SEPTIN9: variants seen among roughly 807,000 people sequenced by gnomAD.
SEPTIN9 encodes septin 9.
In SEPTIN9, 13 loss-of-function variants were observed where a neutral mutation model predicts 56.6. The ratio of observed to expected loss-of-function variants is 0.23; its 90% CI spans 0.15 to 0.37. The LOEUF (loss-of-function observed/expected upper bound fraction) is 0.37. Among genes scored for constraint, SEPTIN9 ranks in the 10% least tolerant of loss-of-function variants. The pLI is 1.00. For missense variants in SEPTIN9, 650 were observed against 823.1 expected, an observed-to-expected ratio of 0.79 and a Z score of 2.57; for synonymous variants, 332 against 334.1, an observed-to-expected ratio of 0.99 and a Z score of 0.07.
intron 2 of SEPTIN9, among the ~76,000 whole-genome samples, chr17:77,359,320 C>A (rs1014608856): frequency 6.6e-5 from 10 of 152,214 alleles, no homozygotes; most frequent in African/African-American, 2.4e-4. Context: ...TTTGTATGAA[C>A]AGAGCTGTGG....
intron 2 of SEPTIN9, among the ~76,000 whole-genome samples, chr17:77,386,287 T>C (rs1217746099): frequency 6.6e-6 from 1 of 152,118 alleles, no homozygotes; most frequent in African/African-American, 2.4e-5. Context: ...GTTGCTGCAA[T>C]GGGCCCAGGC....
chr17:77,334,442 AT>A (rs1336807547), intron 2 of SEPTIN9, among the ~76,000 whole-genome samples: 157 of 143,676 alleles, frequency 1.1e-3, no homozygotes, highest in African/African-American at 3.9e-3. Flanking sequence ...AAAAAAAAAA[AT>A]GTTGTTTCAT....
intron 3 of SEPTIN9, among the ~76,000 whole-genome samples, chr17:77,459,602 T>G (rs1400922971): frequency 1.3e-5 from 2 of 152,160 alleles, no homozygotes; most frequent in Non-Finnish European, 2.9e-5. Flanking sequence ...GCTGTACAAG[T>G]GGTGCCAGCA....
At chr17:77,325,702 C>T (rs2033108744) in intron 2 of SEPTIN9, among the ~76,000 whole-genome samples, 1 of 151,688 alleles carries the variant, frequency 6.6e-6, no homozygotes, top group East Asian at 1.9e-4. Context: ...TCGGCTCTCC[C>T]TCTGGGGAAG....
chr17:77,324,023 G>A (rs1168786548), intron 2 of SEPTIN9, among the ~76,000 whole-genome samples: 2 of 152,350 alleles, frequency 1.3e-5, no homozygotes, highest in African/African-American at 2.4e-5. Context: ...GGCTCCGAGG[G>A]GGAGCCTGCT....
At chr17:77,391,189 G>C (rs575071336) in intron 2 of SEPTIN9, among the ~76,000 whole-genome samples, 1 of 152,298 alleles carries the variant, frequency 6.6e-6, no homozygotes, top group African/African-American at 2.4e-5. Context: ...TGGCTAGAAG[G>C]GGCTTCAGAA....
chr17:77,356,680 T>A (rs1271878154), intron 2 of SEPTIN9, among the ~76,000 whole-genome samples: 2 of 18,212 alleles, frequency 1.1e-4, no homozygotes, highest in Admixed American at 6.2e-4. Context: ...CCCCCTCCCC[T>A]CCCCCCCCAC....
intron 2 of SEPTIN9, chr17:77,376,089 A>T: frequency 2.0e-6 from 2 of 986,272 alleles, no homozygotes; most frequent in African/African-American, 1.7e-5. Flanking sequence ...AGAAGTCAGT[A>T]TGGAGGAGGC....
At chr17:77,495,242 G>C (rs2040210657) in intron 10 of SEPTIN9, among the ~76,000 whole-genome samples, 1 of 152,204 alleles carries the variant, frequency 6.6e-6, no homozygotes, top group East Asian at 1.9e-4. Flanking sequence ...CTCCAGCTGA[G>C]GAAGAGTCTG....
Position 77,310,867 on chromosome 17 carries a change from C to T in SEPTIN9, c.76+3670C>T, listed in dbSNP as rs1042028850. ...AACTCCTCTGCCTGACATCCCGTGTCGCTAGGTCCTGCTCTTCCATCTTCC... is the reference window on the plus strand; with the variant it reads ...AACTCCTCTGCCTGACATCCCGTGTTGCTAGGTCCTGCTCTTCCATCTTCC... On this transcript the variant is annotated intron_variant, in intron 2 of 11. Coordinates refer to ENST00000427177, the MANE Select transcript of SEPTIN9 (RefSeq NM_001113491.2). The surrounding 1 kb of genome is among the most constrained non-coding windows in gnomAD (Gnocchi z 4.7). Among the ~76,000 whole-genome samples the T allele has an allele frequency of 4.6e-5, 7 of 152,150 alleles. No individual in the cohort carries two copies. Among genetic ancestry groups the T allele is most frequent in the African/African-American group, 1.7e-4 (7 of 41,428 alleles).
chr17:77,319,394 G>C lies in SEPTIN9; in HGVS notation c.76+12197G>C, dbSNP rs1475133010. ...CCCAGTGGGGCCCCGAGTTCCCGGA[G>C]AGGAAGACTCGCTCCCTCCCAGGGG... On this transcript the variant is annotated intron_variant, in intron 2 of 11. Transcript: ENST00000427177. The surrounding 1 kb of genome is among the most constrained non-coding windows in gnomAD (Gnocchi z 5.3). 5 of 301,950 alleles carry C rather than the reference G, an allele frequency of 1.7e-5. No individual in the cohort carries two copies. The Admixed American group carries it at 3.1e-4, about 19-fold the overall frequency. 18.7% of individuals were successfully genotyped at this position (301,950 alleles called of 1,614,324 possible). A position where few individuals can be genotyped will look rare whatever the true frequency, so the allele number is the denominator to read the frequency against.
chr17:77,370,853 C>G (rs921228985), intron 2 of SEPTIN9, among the ~76,000 whole-genome samples: 1 of 152,072 alleles, frequency 6.6e-6, no homozygotes, highest in Non-Finnish European at 1.5e-5. Context: ...CTGGACCCAG[C>G]CCTTAGCTAT....
At chr17:77,363,192 A>AC in intron 2 of SEPTIN9, among the ~76,000 whole-genome samples, 1 of 152,094 alleles carries the variant, frequency 6.6e-6, no homozygotes, top group Middle Eastern at 3.4e-3. Context: ...GCTTGGGGGG[A>AC]CCCAAGACCC....
chr17:77,493,082 C>T lies in SEPTIN9; in HGVS notation c.1573+6C>T, dbSNP rs1259814644. Reference sequence around the variant, plus strand: ...CAAGTGGGGTACCATCGAAGGTACTCGCCGCAGGCGCCGGGGCTCCAGACA... The same window carrying T: ...CAAGTGGGGTACCATCGAAGGTACTTGCCGCAGGCGCCGGGGCTCCAGACA... On this transcript the variant is annotated splice_donor_region_variant and intron_variant, in intron 10 of 11. Coordinates refer to ENST00000427177, the MANE Select transcript of SEPTIN9 (RefSeq NM_001113491.2). 15 of 1,547,992 alleles carry T rather than the reference C, an allele frequency of 9.7e-6. No homozygotes were observed. Among genetic ancestry groups the T allele is most frequent in the East Asian group, 2.4e-5 (1 of 41,022 alleles).
At chr17:77,361,230 G>A (rs768841745) in intron 2 of SEPTIN9, among the ~76,000 whole-genome samples, 3 of 151,998 alleles carry the variant, frequency 2.0e-5, no homozygotes, top group South Asian at 2.1e-4. Context: ...GGCCTCTTTC[G>A]TTCTTTCTTA....
Position 77,354,174 on chromosome 17 carries a change from G to T in SEPTIN9, c.76+46977G>T, listed in dbSNP as rs1462500086. 2.0e-5 allele frequency among the ~76,000 whole-genome samples: 3 copies of T among 152,284 alleles called. No homozygotes were observed. The East Asian group carries it at 5.8e-4, about 29-fold the overall frequency. On this transcript the variant is annotated intron_variant, in intron 2 of 11. Coordinates refer to ENST00000427177, the MANE Select transcript of SEPTIN9 (RefSeq NM_001113491.2). Reference sequence around the variant, plus strand: ...CTGTCGCTCTTGTTTTGTGCCAGATGCTGTTCTCAGCACTTTACAAATATT... The same window carrying T: ...CTGTCGCTCTTGTTTTGTGCCAGATTCTGTTCTCAGCACTTTACAAATATT...
chr17:77,497,259 G>C lies in SEPTIN9; in HGVS notation c.1574-56G>C, dbSNP rs138753740. On this transcript the variant is annotated intron_variant, in intron 10 of 11. Coordinates refer to ENST00000427177, the MANE Select transcript of SEPTIN9 (RefSeq NM_001113491.2). ...TTCTGGGCAGGGGGAGAGAGGTGGG[G>C]TCCGGGCAGAGTTTCTCCACTGGGA... 9.9e-5 allele frequency: 153 copies of C among 1,541,728 alleles called. 1 individual carries two copies. The Middle Eastern group carries it at 1.2e-3, about 12-fold the overall frequency.
intron 2 of SEPTIN9, among the ~76,000 whole-genome samples, chr17:77,361,937 G>A (rs2034432944): frequency 6.6e-6 from 1 of 152,206 alleles, no homozygotes; most frequent in Admixed American, 6.5e-5. Flanking sequence ...CGGCCAAGTG[G>A]TCAGTTTTCT....
chr17:77,373,626 G>C (rs2034803534), intron 2 of SEPTIN9: 1 of 1,520,528 alleles, frequency 6.6e-7, no homozygotes, highest in Non-Finnish European at 8.8e-7. Flanking sequence ...GCGCGGGACG[G>C]GGGTGCGCTG....
Sources: gnomAD v4.1 joint callset for allele counts (sites outside exome capture counted in the v4.1 genomes callset) on GRCh38, gnomAD v4.1.1 for gene constraint, Gnocchi (gnomAD v3.1) non-coding constraint, MANE v1.5 for transcripts, NCBI Gene and HGNC (gene_info 2026-07-23, HGNC 2026-07-21) for gene names.